HMCN1: variants seen among roughly 807,000 people sequenced by gnomAD.
HMCN1 encodes the protein hemicentin-1.
HMCN1 carries 321 observed loss-of-function variants against 625.9 expected under a neutral mutation model. That is an observed-to-expected ratio of 0.51 (90% CI 0.47 to 0.56). The LOEUF (loss-of-function observed/expected upper bound fraction) is 0.56. Among genes scored for constraint, HMCN1 ranks in the 20% least tolerant of loss-of-function variants. The pLI is 0.00. For missense variants in HMCN1, 6,588 were observed against 6,887.3 expected, an observed-to-expected ratio of 0.96 and a Z score of 1.54; for synonymous variants, 2,425 against 2,417.6, an observed-to-expected ratio of 1.00 and a Z score of -0.09.
intron 36 of HMCN1, among the ~76,000 whole-genome samples, chr1:186,028,859 G>A (rs975336221): frequency 6.6e-5 from 10 of 151,908 alleles, no homozygotes; most frequent in Middle Eastern, 3.4e-3. Flanking sequence ...TGAGTAGCTG[G>A]GGTTACAGGC....
intron 20 of HMCN1, among the ~76,000 whole-genome samples, chr1:185,989,200 G>A (rs1387721796): frequency 1.3e-5 from 2 of 151,514 alleles, no homozygotes; most frequent in African/African-American, 2.4e-5. Flanking sequence ...GTAGGGACGG[G>A]GTTTCACCGT....
At position 186,003,848 on chromosome 1, in the gene HMCN1, A is replaced by G; in HGVS notation, c.4475+4A>G. 1 of 1,612,972 alleles carries G rather than the reference A, an allele frequency of 6.2e-7. No individual in the cohort carries two copies. Among genetic ancestry groups the G allele is most frequent in the African/African-American group, 1.3e-5 (1 of 74,986 alleles). On this transcript the variant is annotated splice_donor_region_variant and intron_variant, in intron 29 of 106. Transcript: ENST00000271588. The stretch of plus-strand genomic sequence containing the variant: ...TTCATTGGTTCAAAGATGGCAAGTG[A>G]GTATCTTTTCTGTATTTGTTGCAAG...
chr1:186,133,265 T>G (rs1207296321), intron 86 of HMCN1, among the ~76,000 whole-genome samples: 19 of 152,204 alleles, frequency 1.2e-4, no homozygotes. Flanking sequence ...TTCACCACAG[T>G]TATTCCAACA....
chr1:185,818,359 T>C (rs1018418373), intron 1 of HMCN1, among the ~76,000 whole-genome samples: 1 of 152,198 alleles, frequency 6.6e-6, no homozygotes, highest in South Asian at 2.1e-4. Flanking sequence ...CAATTTATTT[T>C]TTTTTCCTAA....
At chr1:186,085,166 C>G (rs903017814) in intron 57 of HMCN1, among the ~76,000 whole-genome samples, 1 of 152,152 alleles carries the variant, frequency 6.6e-6, no homozygotes. Context: ...TGTGTCTACA[C>G]TATAGTGATT....
chr1:185,987,614 C>A (rs1571668994), intron 20 of HMCN1, 70 bp downstream of exon 20: 1 of 1,055,406 alleles, frequency 9.5e-7, no homozygotes, highest in East Asian at 2.4e-5. Context: ...TATCCCTAGT[C>A]TTGAGCAGGA....
intron 29 of HMCN1, among the ~76,000 whole-genome samples, 153 bp from the exon 30 acceptor site, chr1:186,006,975 A>T (rs1292696619): frequency 1.3e-5 from 2 of 152,128 alleles, no homozygotes; most frequent in Non-Finnish European, 2.9e-5. Flanking sequence ...AGTGGTTTAA[A>T]ACTTTTATTC....
intron 1 of HMCN1, among the ~76,000 whole-genome samples, chr1:185,814,068 A>T (rs1659695306): frequency 6.6e-6 from 1 of 152,192 alleles, no homozygotes; most frequent in African/African-American, 2.4e-5. Flanking sequence ...TCTGAGTGAT[A>T]GGAATTCTAA....
chr1:185,896,659 C>T (rs766002352), intron 4 of HMCN1, among the ~76,000 whole-genome samples: 1 of 152,150 alleles, frequency 6.6e-6, no homozygotes, highest in Non-Finnish European at 1.5e-5. Context: ...TGCCTCAAAA[C>T]TTTGGTCAAG....
In HMCN1 at chr1:186,041,947, A is replaced by G. The variant is rs551878543; in HGVS notation, c.6304+811A>G. Among the ~76,000 whole-genome samples, 86 of 152,232 alleles carry G rather than the reference A, an allele frequency of 5.6e-4. No individual in the cohort carries two copies. In the Middle Eastern group the frequency reaches 0.01, roughly 18 times the overall value. ...TTTGAAATACATTACCTTTTTAAAA[A>G]TTTTTACCTCCAGACAATGTGGACC... On this transcript the variant is annotated intron_variant, in intron 40 of 106. Transcript: ENST00000271588.
chr1:185,942,312 A>G (rs1019654923), intron 11 of HMCN1, among the ~76,000 whole-genome samples: 1 of 152,246 alleles, frequency 6.6e-6, no homozygotes. Context: ...ATTTTCAGCA[A>G]AAATAGACCA....
intron 11 of HMCN1, among the ~76,000 whole-genome samples, chr1:185,942,291 T>C (rs1284271825): frequency 6.6e-6 from 1 of 152,138 alleles, no homozygotes; most frequent in Non-Finnish European, 1.5e-5. Context: ...TGATACACTG[T>C]GGACATTTTA....
chr1:186,116,725 A>C (rs1245763596), intron 75 of HMCN1, among the ~76,000 whole-genome samples: 1 of 152,136 alleles, frequency 6.6e-6, no homozygotes, highest in Non-Finnish European at 1.5e-5. Context: ...TAATATAAGC[A>C]TTTAGAGAAT....
At chr1:185,827,090 T>C (rs1353017459) in intron 1 of HMCN1, among the ~76,000 whole-genome samples, 3 of 146,710 alleles carry the variant, frequency 2.0e-5, no homozygotes, top group Admixed American at 1.4e-4. Context: ...GAGAATGGCA[T>C]GAACCCGGGA....
chr1:186,125,948 T>A (rs183435941), intron 82 of HMCN1, among the ~76,000 whole-genome samples, 154 bp downstream of exon 82: 48 of 152,262 alleles, frequency 3.2e-4, no homozygotes, highest in Non-Finnish European at 5.7e-4. Context: ...GTATTTCATG[T>A]CCCTTGAATG....
In HMCN1 at chr1:185,792,858, A is replaced by G. The variant is rs148999295; in HGVS notation, c.269-53168A>G. Among the ~76,000 whole-genome samples, 1,523 of 152,332 alleles carry G rather than the reference A, an allele frequency of 1.0e-2. 10 individuals carry two copies. Among genetic ancestry groups the G allele is most frequent in the Non-Finnish European group, 0.014 (939 of 68,024 alleles). The stretch of plus-strand genomic sequence containing the variant: ...AGCAAACTATACCAAAATTATTTAA[A>G]TGAAGGGATTTTAAAAATGGGTGAT... On this transcript the variant is annotated intron_variant, in intron 1 of 106. Coordinates refer to ENST00000271588, the MANE Select transcript of HMCN1 (RefSeq NM_031935.3).
In HMCN1 at chr1:186,130,613, G is replaced by T. The variant is rs770431758; in HGVS notation, c.13146G>T (p.Gln4382His). The T allele has an allele frequency of 5.6e-6, 9 of 1,613,602 alleles. No individual in the cohort carries two copies. Among genetic ancestry groups the T allele is most frequent in the Non-Finnish European group, 7.6e-6 (9 of 1,179,700 alleles). Residue 4382 changes from glutamine (Q) to histidine (H), a missense_variant, in exon 85 of 107, where the codon CAG (glutamine) becomes CAT (histidine). Gln to His is a conservative substitution (Grantham distance 24, BLOSUM62 0). Transcript: ENST00000271588. ...EVKGDPTPTI[Q>H]WNRKGVDIEI... ...AAGGAGACCCCACCCCAACCATCCA[G>T]TGGAACAGAAAGGGAGTGGATATTG... is the stretch of plus-strand genomic sequence containing the variant.
intron 30 of HMCN1, 114 bp downstream of exon 30, chr1:186,007,396 C>T (rs1190655694): frequency 5.3e-6 from 5 of 935,890 alleles, no homozygotes; most frequent in East Asian, 2.5e-5. Flanking sequence ...ATACTACATA[C>T]TTCAAGAGAA....
intron 1 of HMCN1, among the ~76,000 whole-genome samples, chr1:185,786,592 T>C (rs530644671): frequency 3.9e-5 from 6 of 152,330 alleles, no homozygotes; most frequent in African/African-American, 1.2e-4. Flanking sequence ...TTGCAATGGA[T>C]CACTGTGCAA....
Sources: gnomAD v4.1 joint callset for allele counts (sites outside exome capture counted in the v4.1 genomes callset) on GRCh38, gnomAD v4.1.1 for gene constraint, MANE v1.5 for transcripts, NCBI Gene and HGNC (gene_info 2026-07-23, HGNC 2026-07-21) for gene names.